RANBP2: variants seen among roughly 807,000 people sequenced by gnomAD.
RANBP2 encodes RAN binding protein 2.
RANBP2 carries 57 observed loss-of-function variants against 303.6 expected under a neutral mutation model. The observed-to-expected ratio is 0.19, with a 90% CI of 0.15 to 0.23. The LOEUF is 0.23. Among genes scored for constraint, RANBP2 ranks in the 10% least tolerant of loss-of-function variants. The pLI is 1.00. For missense variants in RANBP2, 3,138 were observed against 3,780.8 expected (o/e 0.83, Z 4.46); for synonymous variants, 1,167 against 1,301.5 (o/e 0.90, Z 2.23).
chr2:108,994,328 C>A, the RANBP2 span, among the ~76,000 whole-genome samples: 1 of 152,200 alleles, frequency 6.6e-6, no homozygotes, highest in Non-Finnish European at 1.5e-5. Flanking sequence ...CTCTGCTCCC[C>A]AGCCAGGGTT....
chr2:109,097,321 AAAACAAAAC>A, the RANBP2 span, among the ~76,000 whole-genome samples: 1 of 3,518 alleles, frequency 2.8e-4, no homozygotes, highest in African/African-American at 3.1e-4. Context: ...AACAAAAAAC[AAAACAAAAC>A]AAAACAAAAC....
chr2:109,387,157 C>T, the RANBP2 span, among the ~76,000 whole-genome samples: 2 of 152,160 alleles, frequency 1.3e-5, no homozygotes, highest in African/African-American at 4.8e-5. Context: ...TATAAATTTA[C>T]ATATATTTTG....
Position 108,748,905 on chromosome 2 carries a change from A to T in RANBP2, c.1064-15A>T. The T allele has an allele frequency of 6.2e-7, 1 of 1,611,696 alleles. No individual in the cohort carries two copies. Among genetic ancestry groups the T allele is most frequent in the Non-Finnish European group, 8.5e-7 (1 of 1,179,838 alleles). Reference sequence around the variant, plus strand: ...AATTTTAAAGTGATGGAAATAACTTAAATTTTTTTTTCAGGGCACATGTTG... The same window carrying T: ...AATTTTAAAGTGATGGAAATAACTTTAATTTTTTTTTCAGGGCACATGTTG... On this transcript the variant is annotated splice_polypyrimidine_tract_variant and intron_variant, in intron 8 of 28. Coordinates refer to ENST00000283195, the MANE Select transcript of RANBP2 (RefSeq NM_006267.5).
At chr2:109,575,058 C>A in the RANBP2 span, among the ~76,000 whole-genome samples, 6 of 152,294 alleles carry the variant, frequency 3.9e-5, 1 homozygote, top group African/African-American at 1.4e-4. Flanking sequence ...TTGAGAAATC[C>A]TAAGTCAAAC....
rs1558936713 is a variant in RANBP2, at chr2:108,775,943, C to A, written c.8497+7C>A. On this transcript the variant is annotated splice_region_variant and intron_variant, in intron 24 of 28. Transcript: ENST00000283195. ...ACAGATTCTACAAGCCAAGGTAAAT[C>A]TTGATATATGTTTATCATGTGTTAC... The A allele has an allele frequency of 1.9e-6, 3 of 1,601,612 alleles. No homozygotes were observed. The highest frequency in any genetic ancestry group is 1.7e-4 in the Middle Eastern group (1 of 5,954).
At chr2:109,615,303 A>T in the RANBP2 span, 1 of 1,604,464 alleles carries the variant, frequency 6.2e-7, no homozygotes, top group African/African-American at 1.3e-5. Flanking sequence ...GCACGCGTGG[A>T]TGCTCTCTGC....
At chr2:109,546,989 C>T in the RANBP2 span, among the ~76,000 whole-genome samples, 3 of 152,180 alleles carry the variant, frequency 2.0e-5, no homozygotes, top group East Asian at 5.8e-4. Flanking sequence ...TACAGGAAAG[C>T]TCTCTGACCT....
At chr2:108,867,577 C>T in the RANBP2 span, among the ~76,000 whole-genome samples, 1 of 151,984 alleles carries the variant, frequency 6.6e-6, no homozygotes, top group Admixed American at 6.6e-5. Context: ...CAAGAAATAG[C>T]TCATCTTGAG....
chr2:109,737,870 G>C, the RANBP2 span, among the ~76,000 whole-genome samples: 1 of 152,132 alleles, frequency 6.6e-6, no homozygotes, highest in African/African-American at 2.4e-5. Flanking sequence ...GCCATTTGTA[G>C]ATCTTTTGAG....
chr2:109,102,458 A>G, the RANBP2 span, among the ~76,000 whole-genome samples: 1 of 152,178 alleles, frequency 6.6e-6, no homozygotes, highest in East Asian at 1.9e-4. Flanking sequence ...AGAAAAGAAA[A>G]AAACTAAAAT....
chr2:109,601,333 A>G, the RANBP2 span, among the ~76,000 whole-genome samples: 2 of 152,244 alleles, frequency 1.3e-5, no homozygotes, highest in Admixed American at 6.5e-5. Context: ...CAGCAGTTGT[A>G]TGTCAGGGGT....
At chr2:108,959,696 G>A in the RANBP2 span, among the ~76,000 whole-genome samples, 5 of 152,116 alleles carry the variant, frequency 3.3e-5, no homozygotes, top group South Asian at 2.1e-4. Flanking sequence ...CTGGGGCCGT[G>A]GGCAGTGGAG....
At chr2:109,518,949 C>T in the RANBP2 span, among the ~76,000 whole-genome samples, 33 of 134,302 alleles carry the variant, frequency 2.5e-4, no homozygotes, top group South Asian at 7.6e-3. Flanking sequence ...GAGGGAGTCT[C>T]GCTCTGTCAC....
At chr2:109,530,818 C>T in the RANBP2 span, among the ~76,000 whole-genome samples, 1 of 152,126 alleles carries the variant, frequency 6.6e-6, no homozygotes, top group Admixed American at 6.5e-5. Context: ...TTGTCTTGCC[C>T]CACCCCAGAC....
the RANBP2 span, among the ~76,000 whole-genome samples, chr2:108,820,354 A>G: frequency 1.2e-4 from 19 of 152,332 alleles, no homozygotes; most frequent in Admixed American, 1.0e-3. Flanking sequence ...GTGAACCACT[A>G]TATGTGTAAT....
the RANBP2 span, among the ~76,000 whole-genome samples, chr2:109,701,125 C>A: frequency 3.9e-5 from 6 of 152,196 alleles, no homozygotes; most frequent in African/African-American, 1.4e-4. Flanking sequence ...GAAGATCTGT[C>A]CCCTTGTGCA....
Position 108,731,544 on chromosome 2 carries a change from C to T in RANBP2, c.405+70C>T, listed in dbSNP as rs1276874784. ...TTTCTAATATTTGGAATTTAAATTA[C>T]TTTTCAATAGCAAACCTTAAGCCCA... On this transcript the variant is annotated intron_variant, in intron 4 of 28. Transcript: ENST00000283195. The T allele has an allele frequency of 1.9e-6, 3 of 1,607,286 alleles. No homozygotes were observed. In the African/African-American group the frequency reaches 4.0e-5, roughly 22 times the overall value.
At chr2:109,622,504 A>C in the RANBP2 span, among the ~76,000 whole-genome samples, 1 of 152,270 alleles carries the variant, frequency 6.6e-6, no homozygotes, top group East Asian at 1.9e-4. Flanking sequence ...ACTTCACAGC[A>C]GTAGGGTTAG....
chr2:108,755,296 C>A (rs1208427783), intron 17 of RANBP2, 37 bp downstream of exon 17: 8 of 1,611,204 alleles, frequency 5.0e-6, no homozygotes, highest in South Asian at 1.1e-5. Flanking sequence ...ACTTTTTATT[C>A]CAAGATTCCT....
Sources: allele counts gnomAD v4.1 joint callset (sites outside exome capture counted in the v4.1 genomes callset), GRCh38; gene constraint gnomAD v4.1.1; transcripts MANE v1.5; gene names NCBI Gene and HGNC (gene_info 2026-07-23, HGNC 2026-07-21).